The following AUTS2 variants were observed in gnomAD, a reference collection of about 807,000 sequenced individuals.
AUTS2 encodes the protein autism susceptibility gene 2 protein.
Under a neutral mutation model 112.4 loss-of-function variants are expected in AUTS2, and 17 were observed. That is an observed-to-expected ratio of 0.15 (90% CI 0.10 to 0.23). AUTS2 has a LOEUF of 0.23. Among genes scored for constraint, AUTS2 ranks in the 10% least tolerant of loss-of-function variants. The pLI is 1.00. For synonymous variants in AUTS2, 751 were observed against 702.7 expected (o/e 1.07, Z -1.09); for missense variants, 1,510 against 1,701.6 (o/e 0.89, Z 1.98).
intron 4 of AUTS2, among the ~76,000 whole-genome samples, chr7:70,368,052 C>T (rs1363802978): frequency 6.6e-6 from 1 of 152,054 alleles, no homozygotes; most frequent in Non-Finnish European, 1.5e-5. Context: ...CTAGGGATAC[C>T]TGTATGTCTC....
chr7:70,376,376 CT>C (rs1004202668), intron 4 of AUTS2, among the ~76,000 whole-genome samples: 2 of 151,154 alleles, frequency 1.3e-5, no homozygotes, highest in Admixed American at 1.3e-4. Context: ...CTTTGTTTCT[CT>C]TTTTTTTTAA....
At chr7:70,213,984 T>C (rs1207831766) in intron 4 of AUTS2, among the ~76,000 whole-genome samples, 1 of 152,228 alleles carries the variant, frequency 6.6e-6, no homozygotes, top group African/African-American at 2.4e-5. Context: ...AATATAAATA[T>C]CATTTCATTC....
chr7:70,672,726 C>T (rs1225579560), intron 5 of AUTS2, among the ~76,000 whole-genome samples: 1 of 152,124 alleles, frequency 6.6e-6, no homozygotes, highest in East Asian at 1.9e-4. Flanking sequence ...CCTCAGCCTC[C>T]CAAGTAGCTG....
chr7:70,318,387 G>A (rs970751803), intron 4 of AUTS2, among the ~76,000 whole-genome samples: 4 of 152,066 alleles, frequency 2.6e-5, no homozygotes, highest in Admixed American at 1.3e-4. Context: ...AGGACCTACC[G>A]ACTAGACAAG....
At chr7:70,632,993 G>A (rs1418747595) in intron 5 of AUTS2, among the ~76,000 whole-genome samples, 25 of 149,750 alleles carry the variant, frequency 1.7e-4, no homozygotes, top group East Asian at 1.9e-4. Flanking sequence ...TCTACCTTGG[G>A]GGGAAAAAAA....
intron 6 of AUTS2, among the ~76,000 whole-genome samples, chr7:70,713,272 C>T (rs989373470): frequency 2.0e-5 from 3 of 152,184 alleles, no homozygotes; most frequent in Admixed American, 6.5e-5. Context: ...GCAAATGTGC[C>T]GTGATTACCA....
At chr7:70,373,987 A>G (rs566383861) in intron 4 of AUTS2, among the ~76,000 whole-genome samples, 143 of 152,252 alleles carry the variant, frequency 9.4e-4, no homozygotes, top group African/African-American at 3.2e-3. Flanking sequence ...TGTATGTGTG[A>G]ATTAACTATA....
At chr7:70,646,812 C>T (rs1398137633) in intron 5 of AUTS2, among the ~76,000 whole-genome samples, 1 of 152,228 alleles carries the variant, frequency 6.6e-6, no homozygotes, top group African/African-American at 2.4e-5. Context: ...GCAGGGCTGG[C>T]CCAGAAGCTG....
At chr7:70,470,938 G>A (rs1340254441) in intron 5 of AUTS2, among the ~76,000 whole-genome samples, 1 of 152,136 alleles carries the variant, frequency 6.6e-6, no homozygotes, top group Non-Finnish European at 1.5e-5. Context: ...TCTTTACGGG[G>A]AATCATTCCC....
At chr7:70,530,941 T>C (rs1289364400) in intron 5 of AUTS2, among the ~76,000 whole-genome samples, 1 of 152,158 alleles carries the variant, frequency 6.6e-6, no homozygotes, top group Non-Finnish European at 1.5e-5. Flanking sequence ...GGATGCCCTC[T>C]AAGGGACCCA....
intron 4 of AUTS2, among the ~76,000 whole-genome samples, chr7:70,219,326 T>C (rs1407447914): frequency 6.6e-6 from 1 of 152,170 alleles, no homozygotes. Context: ...GCTAGTAAAC[T>C]AATTAGCCAG....
chr7:70,706,699 C>A (rs1466721940), intron 6 of AUTS2, among the ~76,000 whole-genome samples: 1 of 151,484 alleles, frequency 6.6e-6, no homozygotes, highest in Non-Finnish European at 1.5e-5. Flanking sequence ...AAATTAAATG[C>A]TTTTTTATTG....
intron 5 of AUTS2, among the ~76,000 whole-genome samples, chr7:70,617,523 C>T (rs1385202376): frequency 6.6e-6 from 1 of 152,100 alleles, no homozygotes; most frequent in Admixed American, 6.6e-5. Flanking sequence ...ATTAGCTGGG[C>T]GTGGTGGCGG....
chr7:70,789,296 A>T (rs12698937), intron 18 of AUTS2, among the ~76,000 whole-genome samples: 36,286 of 152,138 alleles, frequency 0.24, 4,675 homozygotes, highest in African/African-American at 0.33. Context: ...CCACTGGTTC[A>T]GTGTTGCAAA....
At chr7:70,389,357 C>T (rs1423131639) in intron 4 of AUTS2, among the ~76,000 whole-genome samples, 2 of 152,182 alleles carry the variant, frequency 1.3e-5, no homozygotes, top group Non-Finnish European at 2.9e-5. Flanking sequence ...AAAAAAAACA[C>T]GAAGTTTTCA....
At chr7:70,380,406 A>C (rs915651504) in intron 4 of AUTS2, among the ~76,000 whole-genome samples, 2 of 152,200 alleles carry the variant, frequency 1.3e-5, no homozygotes, top group African/African-American at 4.8e-5. Flanking sequence ...GAAATTGAGT[A>C]CTGGAGACTG....
chr7:69,855,264 A>G (rs768959192), intron 1 of AUTS2, among the ~76,000 whole-genome samples: 1 of 152,190 alleles, frequency 6.6e-6, no homozygotes, highest in African/African-American at 2.4e-5. Flanking sequence ...TGGACAAGCT[A>G]AGTACTAAAC....
At chr7:70,347,178 AC>A (rs1264359208) in intron 4 of AUTS2, among the ~76,000 whole-genome samples, 2 of 151,996 alleles carry the variant, frequency 1.3e-5, no homozygotes, top group Non-Finnish European at 2.9e-5. Flanking sequence ...CTTCTTACTT[AC>A]CTGAAACTTA....
At chr7:70,517,555 TGC>T (rs1799466153) in intron 5 of AUTS2, among the ~76,000 whole-genome samples, 1 of 148,830 alleles carries the variant, frequency 6.7e-6, no homozygotes, top group African/African-American at 2.5e-5. Flanking sequence ...ATATACAAAT[TGC>T]ATATACACAT....
Sources: allele counts gnomAD v4.1 joint callset (sites outside exome capture counted in the v4.1 genomes callset), GRCh38; gene constraint gnomAD v4.1.1; transcripts MANE v1.5; gene names NCBI Gene and HGNC (gene_info 2026-07-23, HGNC 2026-07-21).